The following AKAP19 variants were observed in gnomAD, a reference collection of about 807,000 sequenced individuals.
AKAP19 encodes the protein A-kinase anchoring protein 19, also known as small A-kinase anchoring protein.
the AKAP19 span, among the ~76,000 whole-genome samples, chr2:190,195,126 T>C: frequency 6.6e-6 from 1 of 152,184 alleles, no homozygotes; most frequent in African/African-American, 2.4e-5. Flanking sequence ...CCTCCCAAAG[T>C]GCTGGGATTG....
the AKAP19 span, among the ~76,000 whole-genome samples, chr2:190,135,189 C>T: frequency 2.0e-5 from 3 of 152,160 alleles, no homozygotes; most frequent in African/African-American, 7.2e-5. Flanking sequence ...AGTAACTTCT[C>T]AGTCACATTT....
the AKAP19 span, among the ~76,000 whole-genome samples, chr2:190,005,025 G>T: frequency 6.6e-6 from 1 of 152,180 alleles, no homozygotes; most frequent in Non-Finnish European, 1.5e-5. Flanking sequence ...GTGTCCAGAA[G>T]TGTGTTCCTT....
At chr2:189,923,965 A>G in the AKAP19 span, 2 of 1,608,102 alleles carry the variant, frequency 1.2e-6, no homozygotes, top group Non-Finnish European at 1.7e-6. Context: ...AACAGAGCAA[A>G]CAAGCAGTAG....
chr2:189,958,937 G>C, the AKAP19 span, among the ~76,000 whole-genome samples: 3 of 152,068 alleles, frequency 2.0e-5, no homozygotes, highest in African/African-American at 7.2e-5. Context: ...ATGTGGTACA[G>C]TTTTTCTTTA....
At chr2:189,969,069 C>A in the AKAP19 span, among the ~76,000 whole-genome samples, 1 of 152,076 alleles carries the variant, frequency 6.6e-6, no homozygotes, top group Non-Finnish European at 1.5e-5. Flanking sequence ...ACTGTATAGG[C>A]AAATATACCA....
chr2:189,910,168 T>C, the AKAP19 span, among the ~76,000 whole-genome samples: 1 of 152,082 alleles, frequency 6.6e-6, no homozygotes, highest in Admixed American at 6.5e-5. Flanking sequence ...AGTGAAAGAG[T>C]TATTTAAATT....
the AKAP19 span, among the ~76,000 whole-genome samples, chr2:190,151,532 A>G: frequency 6.6e-6 from 1 of 152,220 alleles, no homozygotes; most frequent in African/African-American, 2.4e-5. Context: ...CCTGCAAAGG[A>G]CATGCTCTAG....
chr2:190,200,986 A>T, the AKAP19 span: 3 of 166,970 alleles, frequency 1.8e-5, no homozygotes, highest in African/African-American at 7.3e-5. Flanking sequence ...AGAGGTACAG[A>T]GGGCTGGAAT....
chr2:190,189,576 G>T, the AKAP19 span, among the ~76,000 whole-genome samples: 1 of 152,126 alleles, frequency 6.6e-6, no homozygotes, highest in African/African-American at 2.4e-5. Flanking sequence ...AGGTATTTTT[G>T]ATGTCCTATA....
chr2:189,895,176 G>A, the AKAP19 span, among the ~76,000 whole-genome samples: 2 of 148,544 alleles, frequency 1.3e-5, no homozygotes, highest in African/African-American at 5.2e-5. Context: ...AAGAGAAAGT[G>A]GAAGAAAACA....
At chr2:190,195,662 T>C in the AKAP19 span, among the ~76,000 whole-genome samples, 378 of 152,368 alleles carry the variant, frequency 2.5e-3, 4 homozygotes, top group African/African-American at 8.0e-3. Context: ...TAGATAACAA[T>C]CTTTTATCAA....
chr2:190,047,788 C>T, the AKAP19 span, among the ~76,000 whole-genome samples: 2 of 152,118 alleles, frequency 1.3e-5, no homozygotes, highest in Non-Finnish European at 2.9e-5. Flanking sequence ...AATGACATAC[C>T]GGGTGAGACT....
At chr2:189,936,470 G>A in the AKAP19 span, among the ~76,000 whole-genome samples, 1 of 152,108 alleles carries the variant, frequency 6.6e-6, no homozygotes, top group South Asian at 2.1e-4. Context: ...TGGAATTATA[G>A]CAAGTTCCCA....
the AKAP19 span, among the ~76,000 whole-genome samples, chr2:190,104,146 G>T: frequency 5.9e-5 from 9 of 152,162 alleles, no homozygotes; most frequent in Non-Finnish European, 8.8e-5. Flanking sequence ...GCGGAGGAAT[G>T]AAACTATACC....
the AKAP19 span, among the ~76,000 whole-genome samples, chr2:190,024,590 T>C: frequency 6.6e-6 from 1 of 152,140 alleles, no homozygotes; most frequent in African/African-American, 2.4e-5. Flanking sequence ...ATTATGTCAT[T>C]GAAGACCAGC....
chr2:190,155,695 A>G, the AKAP19 span, among the ~76,000 whole-genome samples: 5 of 152,194 alleles, frequency 3.3e-5, no homozygotes, highest in Non-Finnish European at 7.3e-5. Flanking sequence ...GTAGGAAGTA[A>G]GAATGTCTAG....
At chr2:190,116,024 A>G in the AKAP19 span, among the ~76,000 whole-genome samples, 2,641 of 152,310 alleles carry the variant, frequency 0.017, 68 homozygotes, top group African/African-American at 0.06. Context: ...TATAATTTCT[A>G]CGCAAACCTG....
At chr2:189,888,148 G>C in the AKAP19 span, among the ~76,000 whole-genome samples, 2 of 152,166 alleles carry the variant, frequency 1.3e-5, no homozygotes, top group Non-Finnish European at 2.9e-5. Context: ...GTATAAGGAA[G>C]GGGTCCAGTT....
the AKAP19 span, among the ~76,000 whole-genome samples, chr2:189,936,806 G>A: frequency 1.2e-4 from 19 of 152,088 alleles, no homozygotes; most frequent in Non-Finnish European, 2.6e-4. Context: ...CATACTATGT[G>A]ATTCCATTTA....
Sources: allele counts gnomAD v4.1 joint callset (sites outside exome capture counted in the v4.1 genomes callset), GRCh38; gene constraint gnomAD v4.1.1; transcripts MANE v1.5; gene names NCBI Gene and HGNC (gene_info 2026-07-23, HGNC 2026-07-21).